NCR3LG1: variants seen among roughly 807,000 people sequenced by gnomAD.
NCR3LG1 encodes natural killer cell cytotoxicity receptor 3 ligand 1.
In NCR3LG1, 35 loss-of-function variants were observed where a neutral mutation model predicts 34.8. The ratio of observed to expected loss-of-function variants is 1.01; its 90% confidence interval spans 0.77 to 1.33. NCR3LG1 has a LOEUF of 1.33. NCR3LG1 is among the 40% of genes most tolerant of loss of function. The probability of loss-of-function intolerance (pLI) is 0.00; values close to 1 mark genes in which losing one functional copy is unlikely to be tolerated. For missense variants in NCR3LG1, 452 were observed against 423.3 expected (o/e 1.07, Z -0.60); for synonymous variants, 173 against 163.6 (o/e 1.06, Z -0.44).
chr11:17,355,267 T>C (rs759176254), intron 1 of NCR3LG1, among the ~76,000 whole-genome samples: 1 of 152,032 alleles, frequency 6.6e-6, no homozygotes, highest in South Asian at 2.1e-4. Context: ...CATGGTGGCA[T>C]GTGCCTGTAG....
intron 2 of NCR3LG1, among the ~76,000 whole-genome samples, chr11:17,358,702 A>G (rs757130337): frequency 1.3e-5 from 2 of 151,996 alleles, no homozygotes; most frequent in Non-Finnish European, 2.9e-5. Flanking sequence ...TTTTTTTAAG[A>G]ATTCTTCTGC....
At chr11:17,359,425 T>C (rs1953245402) in intron 2 of NCR3LG1, among the ~76,000 whole-genome samples, 2 of 152,158 alleles carry the variant, frequency 1.3e-5, no homozygotes, top group Admixed American at 6.5e-5. Context: ...ATCCTCTGTT[T>C]ATTGAATTAA....
chr11:17,379,125 T>C (rs137889412), downstream of NCR3LG1, among the ~76,000 whole-genome samples: 140 of 152,336 alleles, frequency 9.2e-4, no homozygotes, highest in African/African-American at 3.1e-3. Flanking sequence ...CTTTCTTTTT[T>C]CACTTTTTAA....
At chr11:17,380,849 G>A (rs573757549), downstream of NCR3LG1, 1 of 152,256 alleles carries the variant, frequency 6.6e-6, no homozygotes, top group Admixed American at 6.5e-5. Flanking sequence ...ATTTATTTCA[G>A]TGTTAAATAT....
chr11:17,369,992 A>G (rs753879047), intron 4 of NCR3LG1, among the ~76,000 whole-genome samples: 10 of 152,336 alleles, frequency 6.6e-5, no homozygotes, highest in Middle Eastern at 3.4e-3. Flanking sequence ...CCACAGCCAC[A>G]TACATTAAAA....
chr11:17,352,714 C>G (rs1488058174), intron 1 of NCR3LG1, among the ~76,000 whole-genome samples: 1 of 152,050 alleles, frequency 6.6e-6, no homozygotes, highest in Non-Finnish European at 1.5e-5. Flanking sequence ...ATCCGCATAT[C>G]AGTGGGTCCT....
intron 3 of NCR3LG1, among the ~76,000 whole-genome samples, chr11:17,367,919 A>G (rs1022221689): frequency 2.0e-5 from 3 of 151,898 alleles, no homozygotes; most frequent in Admixed American, 6.6e-5. Context: ...CCCGTGTTCA[A>G]GCGATTCTCC....
rs1268812479 is a variant in NCR3LG1 at position 17,372,146 on chromosome 11, TG to T, written c.1003del (p.Glu335ArgfsTer17). ...CATGGCCGTCTTACCAGCTGCAGGA[TG>T]GGGAGGCTTGGCCTCCTGAGGGAAG... ...RAWPSYQLQDGEAWPPEGSVN... is the reference protein window; with the variant it reads ...RAWPSYQLQDXEAWPPEGSVN... On this transcript the variant is annotated frameshift_variant, in exon 5 of 5. Transcript: ENST00000338965. LOFTEE classifies it high-confidence loss of function. 2.8e-6 allele frequency: 2 copies of T among 703,012 alleles called. No individual in the cohort carries two copies. Among genetic ancestry groups the T allele is most frequent in the Non-Finnish European group, 5.2e-6 (2 of 385,002 alleles). 43.5% of individuals were successfully genotyped at this position (703,012 alleles called of 1,614,324 possible). A position where few individuals can be genotyped will look rare whatever the true frequency, so the allele number is the denominator to read the frequency against.
chr11:17,378,100 A>AC (rs1953492652), downstream of NCR3LG1, among the ~76,000 whole-genome samples: 1 of 152,180 alleles, frequency 6.6e-6, no homozygotes, highest in African/African-American at 2.4e-5. Flanking sequence ...GTAGAAGCTA[A>AC]CAGTAGGAGC....
At chr11:17,361,472 G>A (rs1591680899) in intron 2 of NCR3LG1, among the ~76,000 whole-genome samples, 1 of 151,932 alleles carries the variant, frequency 6.6e-6, no homozygotes, top group South Asian at 2.1e-4. Context: ...ATTTTTAGTA[G>A]AGACGGGTCA....
chr11:17,377,383 G>C (rs1953487787), downstream of NCR3LG1: 2 of 151,672 alleles, frequency 1.3e-5, no homozygotes, highest in Non-Finnish European at 2.9e-5. Context: ...AGCTACTCGG[G>C]AGGCTGAGGC....
rs1953425473 is a variant in NCR3LG1 at position 17,372,664 on chromosome 11, G to C, written c.*152G>C. 1 of 578,316 alleles carries C rather than the reference G, an allele frequency of 1.7e-6. No homozygotes were observed. The highest frequency in any genetic ancestry group is 3.1e-5 in the Admixed American group (1 of 32,682). 35.8% of individuals were successfully genotyped at this position (578,316 alleles called of 1,614,324 possible). A position where few individuals can be genotyped will look rare whatever the true frequency, so the allele number is the denominator to read the frequency against. On this transcript the variant is annotated 3_prime_UTR_variant, in exon 5 of 5. Transcript: ENST00000338965. Reference sequence around the variant, plus strand: ...TAACTCAGGTGTTTGACCTTACTTGGGGTGATGTTATGTTGCTCTTAAACT... The same window carrying C: ...TAACTCAGGTGTTTGACCTTACTTGCGGTGATGTTATGTTGCTCTTAAACT...
At chr11:17,361,751 G>C (rs566434951) in intron 2 of NCR3LG1, among the ~76,000 whole-genome samples, 12 of 152,132 alleles carry the variant, frequency 7.9e-5, no homozygotes, top group African/African-American at 2.9e-4. Context: ...GCCAAGTCTT[G>C]AGATTTTTCT....
intron 1 of NCR3LG1, among the ~76,000 whole-genome samples, chr11:17,355,620 G>A (rs1419506943): frequency 6.6e-6 from 1 of 152,118 alleles, no homozygotes; most frequent in African/African-American, 2.4e-5. Flanking sequence ...ATACTGTGTG[G>A]CTTAAACAGA....
At chr11:17,378,324 G>A (rs1591690789), downstream of NCR3LG1, among the ~76,000 whole-genome samples, 2 of 152,106 alleles carry the variant, frequency 1.3e-5, no homozygotes, top group South Asian at 2.1e-4. Flanking sequence ...GAGAGAATGC[G>A]GGCTCCAGTC....
chr11:17,368,856 T>G lies in NCR3LG1; in HGVS notation c.761-11T>G. 2 of 1,511,984 alleles carry G rather than the reference T, an allele frequency of 1.3e-6. No individual in the cohort carries two copies. Among genetic ancestry groups the G allele is most frequent in the South Asian group, 2.4e-5 (2 of 83,446 alleles). The allele number at this position is 1,511,984 out of a possible 1,614,324, so 93.7% of individuals were successfully genotyped here. A position where few individuals can be genotyped will look rare whatever the true frequency, so the allele number is the denominator to read the frequency against. ...AGGTTTCCTGCTAATGTTTTCCTTC[T>G]CTCTCTGCAGAAACTGAGAAGACAG... On this transcript the variant is annotated splice_polypyrimidine_tract_variant and intron_variant, in intron 3 of 4. Coordinates refer to ENST00000338965, the MANE Select transcript of NCR3LG1 (RefSeq NM_001202439.3).
At chr11:17,355,995 C>G (rs537829704) in intron 1 of NCR3LG1, among the ~76,000 whole-genome samples, 57 of 151,990 alleles carry the variant, frequency 3.8e-4, no homozygotes, top group African/African-American at 1.4e-3. Context: ...GAGACAAGGT[C>G]CCATTATATT....
intron 2 of NCR3LG1, among the ~76,000 whole-genome samples, chr11:17,366,648 C>T (rs1379996239): frequency 6.6e-6 from 1 of 152,202 alleles, no homozygotes; most frequent in Non-Finnish European, 1.5e-5. Flanking sequence ...GTTGTGGTCA[C>T]AGCATGTCAG....
chr11:17,363,082 T>G (rs117100956), intron 2 of NCR3LG1, among the ~76,000 whole-genome samples: 8,211 of 132,652 alleles, frequency 0.062, 256 homozygotes, highest in Middle Eastern at 0.11. Context: ...CACCATGCCC[T>G]GCTAATTTAA....
Sources: gnomAD v4.1 joint callset for allele counts (sites outside exome capture counted in the v4.1 genomes callset) on GRCh38, gnomAD v4.1.1 for gene constraint, MANE v1.5 for transcripts, NCBI Gene and HGNC (gene_info 2026-07-23, HGNC 2026-07-21) for gene names.